EDA: variants seen among roughly 807,000 people sequenced by gnomAD.
The protein encoded by EDA is ectodysplasin-A.
In EDA, 2 loss-of-function variants were observed where a neutral mutation model predicts 23.6. The ratio of observed to expected loss-of-function variants is 0.08; its 90% CI spans 0.03 to 0.27. The LOEUF is 0.27. Among genes scored for constraint, EDA ranks in the 10% least tolerant of loss-of-function variants. The pLI is 1.00. For missense variants in EDA, 229 were observed against 324.2 expected (o/e 0.71, Z 2.26); for synonymous variants, 131 against 132.0 (o/e 0.99, Z 0.05).
At chrX:69,892,344 A>G (rs993611234) in intron 1 of EDA, among the ~76,000 whole-genome samples, 1 of 111,945 alleles carries the variant, frequency 8.9e-6, no homozygotes, top group African/African-American at 3.2e-5. Flanking sequence ...AATGATGCAG[A>G]TAGAGAAAAT....
intron 1 of EDA, among the ~76,000 whole-genome samples, chrX:69,727,267 A>G (rs2012844358): frequency 9.0e-6 from 1 of 111,688 alleles, no homozygotes; most frequent in Non-Finnish European, 1.9e-5. Context: ...TTTGGGGTTT[A>G]TATGGGTACA....
intron 1 of EDA, among the ~76,000 whole-genome samples, chrX:69,680,786 C>T (rs1402084555): frequency 0.013 from 1,332 of 99,521 alleles, 17 homozygotes; most frequent in African/African-American, 0.046. Context: ...ATTTGCCAGT[C>T]TGTGTCTTTT....
intron 1 of EDA, among the ~76,000 whole-genome samples, chrX:69,655,891 G>A (rs1427410760): frequency 3.8e-5 from 4 of 104,062 alleles, no homozygotes; most frequent in East Asian, 6.3e-4. Context: ...TCATGTCTCC[G>A]TTACTCATTC....
At chrX:69,886,951 A>G (rs1479298390) in intron 1 of EDA, among the ~76,000 whole-genome samples, 2 of 112,295 alleles carry the variant, frequency 1.8e-5, no homozygotes, top group Admixed American at 1.9e-4. Flanking sequence ...TACACAAATA[A>G]GGAAGAATCA....
intron 1 of EDA, among the ~76,000 whole-genome samples, chrX:69,943,944 G>A (rs185863121): frequency 0.013 from 1,380 of 107,593 alleles, 32 homozygotes; most frequent in African/African-American, 0.044. Context: ...GTCTCTCCCT[G>A]TGGCTACCAC....
At chrX:69,959,331 A>G (rs764448273) in intron 2 of EDA, among the ~76,000 whole-genome samples, 10 of 111,621 alleles carry the variant, frequency 9.0e-5, no homozygotes, top group Non-Finnish European at 1.7e-4. Flanking sequence ...AGTTAGGAGT[A>G]TAGAATGCCT....
intron 1 of EDA, among the ~76,000 whole-genome samples, chrX:69,795,295 C>T (rs1056258185): frequency 2.7e-5 from 3 of 111,924 alleles, no homozygotes; most frequent in African/African-American, 9.7e-5. Flanking sequence ...CAAAGTGCTA[C>T]GATTACAGGT....
chrX:69,681,642 G>A (rs868406366), intron 1 of EDA, among the ~76,000 whole-genome samples: 58 of 110,149 alleles, frequency 5.3e-4, no homozygotes, highest in Admixed American at 1.4e-3. Context: ...CATTCTTCAC[G>A]TAGTTCTCGA....
In EDA at chrX:70,035,557, A is replaced by G. The variant is rs750739438; in HGVS notation, c.1124A>G (p.Lys375Arg). The G allele has an allele frequency of 4.1e-6, 5 of 1,208,920 alleles. No homozygotes were observed. The Admixed American group carries it at 1.1e-4, about 27-fold the overall frequency. Residue 375 changes from lysine to arginine, a missense_variant, in exon 8 of 8, where the codon AAG (lysine) becomes AGG (arginine). Physicochemically the swap from Lys to Arg is conservative, Grantham distance 26 (BLOSUM62 2). Around this residue, in one of 2 missense-constraint regions of EDA, gnomAD observed 175 missense variants for 281.8 expected, o/e 0.62. Coordinates refer to ENST00000374552, the MANE Select transcript of EDA (RefSeq NM_001399.5). The stretch of plus-strand genomic sequence containing the variant: ...GCTGACATCTCCATCAACATGAGCA[A>G]GCACACCACGTTCTTTGGGGCCATC... Reference protein sequence around the residue: ...VHADISINMSKHTTFFGAIRL... With the variant: ...VHADISINMSRHTTFFGAIRL...
intron 1 of EDA, among the ~76,000 whole-genome samples, chrX:69,894,217 G>C (rs1029494130): frequency 2.7e-5 from 3 of 110,838 alleles, no homozygotes; most frequent in African/African-American, 9.9e-5. Context: ...ATGGTTGTAG[G>C]GGACGGCTTT....
chrX:69,815,390 T>C (rs1212760746), intron 1 of EDA, among the ~76,000 whole-genome samples: 2 of 93,369 alleles, frequency 2.1e-5, no homozygotes, highest in East Asian at 7.0e-4. Context: ...CAGGATTCTA[T>C]GGACAGAGCT....
At chrX:69,999,572 C>T (rs190960598) in intron 2 of EDA, among the ~76,000 whole-genome samples, 1,304 of 101,882 alleles carry the variant, frequency 0.013, 18 homozygotes, top group African/African-American at 0.045. Context: ...GCTGAGATGG[C>T]GCCATTGCAC....
chrX:69,698,338 G>C (rs754340256), intron 1 of EDA, among the ~76,000 whole-genome samples: 1 of 111,662 alleles, frequency 9.0e-6, no homozygotes, highest in South Asian at 3.8e-4. Flanking sequence ...CAGTTGGCAT[G>C]CTGAGTATCA....
chrX:69,941,264 C>T (rs765375338), intron 1 of EDA, among the ~76,000 whole-genome samples: 16 of 111,630 alleles, frequency 1.4e-4, no homozygotes, highest in African/African-American at 3.6e-4. Flanking sequence ...TGAAATGTTA[C>T]GTGAATATCC....
intron 1 of EDA, among the ~76,000 whole-genome samples, chrX:69,783,931 C>T (rs754809762): frequency 4.8e-5 from 5 of 103,555 alleles, no homozygotes; most frequent in Admixed American, 2.1e-4. Flanking sequence ...GTTCCTATTT[C>T]TCCACATCCT....
At chrX:69,940,095 G>T (rs1448210491) in intron 1 of EDA, among the ~76,000 whole-genome samples, 1 of 111,324 alleles carries the variant, frequency 9.0e-6, no homozygotes, top group Non-Finnish European at 1.9e-5. Flanking sequence ...GGTAATACTG[G>T]CCTTATAGAA....
At chrX:69,746,600 G>A (rs943093344) in intron 1 of EDA, among the ~76,000 whole-genome samples, 4 of 110,990 alleles carry the variant, frequency 3.6e-5, no homozygotes, top group Non-Finnish European at 7.5e-5. Flanking sequence ...GAAGTTTGGG[G>A]CATATAAAAC....
At chrX:69,624,291 G>T (rs1243245101) in intron 1 of EDA, among the ~76,000 whole-genome samples, 2 of 111,361 alleles carry the variant, frequency 1.8e-5, no homozygotes, top group African/African-American at 3.3e-5. Context: ...GATAGTGTTT[G>T]GTTCTCAGCC....
chrX:69,756,912 A>G (rs1025919245), intron 1 of EDA: 2 of 111,824 alleles, frequency 1.8e-5, no homozygotes, highest in Non-Finnish European at 3.8e-5. Context: ...GAGGTATGAG[A>G]GGTTTCCTTT....
Sources: allele counts gnomAD v4.1 joint callset (sites outside exome capture counted in the v4.1 genomes callset), GRCh38; gene constraint gnomAD v4.1.1; regional missense constraint gnomAD v4.1.1; transcripts MANE v1.5; gene names NCBI Gene and HGNC (gene_info 2026-07-23, HGNC 2026-07-21).